Variants in UMAD1 observed in about 807,000 individuals in gnomAD.
UMAD1 encodes UBAP1-MVB12-associated (UMA)-domain containing protein 1.
UMAD1 carries 8 observed loss-of-function variants against 6.1 expected under a neutral mutation model. The ratio of observed to expected loss-of-function variants is 1.30; its 90% confidence interval spans 0.76 to 2.35. The LOEUF is 2.35. Ranked by LOEUF, UMAD1 falls within the 30% of genes most tolerant of loss-of-function variation. The pLI is 0.00. For synonymous variants in UMAD1, 56 were observed against 31.4 expected (o/e 1.78, Z -2.61); for missense variants, 130 against 78.4 (o/e 1.66, Z -2.49).
At chr7:7,847,104 A>AAT (rs1170307529) in intron 3 of UMAD1, among the ~76,000 whole-genome samples, 53 of 6,604 alleles carry the variant, frequency 8.0e-3, no homozygotes, top group East Asian at 0.018. Flanking sequence ...AAAAAAAAAA[A>AAT]ATATATATAT....
At chr7:7,698,911 C>G (rs995610267) in intron 2 of UMAD1, among the ~76,000 whole-genome samples, 7 of 150,558 alleles carry the variant, frequency 4.6e-5, no homozygotes, top group African/African-American at 1.7e-4. Flanking sequence ...CCCTGTTGCC[C>G]AGGTCTGATA....
At chr7:7,740,256 C>G (rs1395977043) in intron 2 of UMAD1, among the ~76,000 whole-genome samples, 1 of 152,164 alleles carries the variant, frequency 6.6e-6, no homozygotes, top group African/African-American at 2.4e-5. Flanking sequence ...GTATTTGGGT[C>G]CAAACCTATA....
At chr7:7,711,083 A>G (rs1290441970) in intron 2 of UMAD1, among the ~76,000 whole-genome samples, 1 of 152,164 alleles carries the variant, frequency 6.6e-6, no homozygotes, top group Admixed American at 6.5e-5. Context: ...GAAGGATAAC[A>G]CTGGGGATTC....
At chr7:7,814,682 A>T (rs564865233) in intron 3 of UMAD1, among the ~76,000 whole-genome samples, 1 of 152,188 alleles carries the variant, frequency 6.6e-6, no homozygotes, top group South Asian at 2.1e-4. Context: ...AGTGGTATAC[A>T]TAACCTCTAA....
intron 2 of UMAD1, among the ~76,000 whole-genome samples, chr7:7,757,809 G>A (rs535581167): frequency 6.6e-6 from 1 of 152,268 alleles, no homozygotes; most frequent in African/African-American, 2.4e-5. Context: ...AGCTTTCAAT[G>A]CCTGGTACGT....
chr7:7,712,718 G>C (rs1481352464), intron 2 of UMAD1, among the ~76,000 whole-genome samples: 1 of 152,140 alleles, frequency 6.6e-6, no homozygotes, highest in African/African-American at 2.4e-5. Flanking sequence ...TTGAAGAGAA[G>C]TGTCAAAGAA....
At chr7:7,713,885 C>T (rs1780826835) in intron 2 of UMAD1, among the ~76,000 whole-genome samples, 1 of 152,142 alleles carries the variant, frequency 6.6e-6, no homozygotes, top group Non-Finnish European at 1.5e-5. Context: ...GGCTGGAGTG[C>T]AGTGGTGTGA....
At chr7:7,683,899 A>G (rs1034905246) in intron 2 of UMAD1, among the ~76,000 whole-genome samples, 4 of 152,172 alleles carry the variant, frequency 2.6e-5, no homozygotes, top group African/African-American at 9.6e-5. Flanking sequence ...CTGGGATTAT[A>G]GGCGTGAGCC....
At chr7:7,794,963 A>G (rs1421630076) in intron 2 of UMAD1, among the ~76,000 whole-genome samples, 1 of 152,184 alleles carries the variant, frequency 6.6e-6, no homozygotes. Context: ...TTCTTAACTC[A>G]AGCATTTACT....
At chr7:7,763,338 G>C (rs1226536959) in intron 2 of UMAD1, among the ~76,000 whole-genome samples, 1 of 152,112 alleles carries the variant, frequency 6.6e-6, no homozygotes. Flanking sequence ...ATAATGCTAA[G>C]GTTTGGGGTA....
At chr7:7,671,418 A>T (rs1406599289) in intron 1 of UMAD1, among the ~76,000 whole-genome samples, 1 of 152,204 alleles carries the variant, frequency 6.6e-6, no homozygotes, top group South Asian at 2.1e-4. Context: ...TGAGTGCCAC[A>T]TTAGTCTACA....
intron 2 of UMAD1, among the ~76,000 whole-genome samples, chr7:7,706,425 A>T (rs141980250): frequency 5.9e-5 from 9 of 152,310 alleles, no homozygotes; most frequent in African/African-American, 2.2e-4. Flanking sequence ...TGGGAACTGT[A>T]CTAGGTTCAG....
At position 7,877,792 on chromosome 7, in the gene UMAD1, G is replaced by A. The variant is rs904534736; in HGVS notation, c.*254G>A. On this transcript the variant is annotated 3_prime_UTR_variant, in exon 4 of 4. Coordinates refer to ENST00000682710, the MANE Select transcript of UMAD1 (RefSeq NM_001302348.2). Reference sequence around the variant, plus strand: ...CTATGAAGGTTTTAGGAAAGGACTCGATTCCTTCAGATGGTCTCTCAAAAT... The same window carrying A: ...CTATGAAGGTTTTAGGAAAGGACTCAATTCCTTCAGATGGTCTCTCAAAAT... 4 of 425,980 alleles carry A rather than the reference G, an allele frequency of 9.4e-6. No homozygotes were observed. The East Asian group carries it at 1.3e-4, about 13-fold the overall frequency. 26.4% of individuals were successfully genotyped at this position (425,980 alleles called of 1,614,324 possible). A position where few individuals can be genotyped will look rare whatever the true frequency, so the allele number is the denominator to read the frequency against.
rs1554329001 is a variant in UMAD1, at chr7:7,789,620, C to CCG, written c.83-12049_83-12048insGC. 6.0e-4 allele frequency among the ~76,000 whole-genome samples: 77 copies of CCG among 129,172 alleles called. 1 individual carries two copies. Among genetic ancestry groups the CCG allele is most frequent in the African/African-American group, 2.3e-3 (74 of 32,390 alleles). The allele number at this position is 129,172 out of a possible 152,430, so 84.7% of individuals were successfully genotyped here. A position where few individuals can be genotyped will look rare whatever the true frequency, so the allele number is the denominator to read the frequency against. On this transcript the variant is annotated intron_variant, in intron 2 of 3. Transcript: ENST00000682710. ...ACTCGTTAAACAAAATACCCCTTCT[C>CCG]CCCTCCCCACAGACCCTGGAAACCA...
chr7:7,682,966 G>T (rs1360821462), intron 2 of UMAD1, among the ~76,000 whole-genome samples: 2 of 152,174 alleles, frequency 1.3e-5, no homozygotes, highest in Non-Finnish European at 2.9e-5. Context: ...TGTTAATCTA[G>T]CAGCGTTTCA....
chr7:7,804,348 A>T (rs1263876621), intron 3 of UMAD1, among the ~76,000 whole-genome samples: 6 of 152,244 alleles, frequency 3.9e-5, no homozygotes, highest in African/African-American at 1.4e-4. Flanking sequence ...GTAAGCATCT[A>T]ACATGGGATT....
chr7:7,644,871 A>T (rs983208984), intron 1 of UMAD1, among the ~76,000 whole-genome samples: 2 of 152,192 alleles, frequency 1.3e-5, no homozygotes, highest in Non-Finnish European at 2.9e-5. Flanking sequence ...TGGAATTTTG[A>T]TCAAAATTGC....
chr7:7,677,395 C>T (rs927843814), intron 2 of UMAD1, among the ~76,000 whole-genome samples: 2 of 151,944 alleles, frequency 1.3e-5, no homozygotes, highest in East Asian at 3.9e-4. Flanking sequence ...CATTTTATTT[C>T]CCTCTTTCTG....
chr7:7,683,902 C>T (rs115371543), intron 2 of UMAD1, among the ~76,000 whole-genome samples: 2,736 of 152,242 alleles, frequency 0.018, 81 homozygotes, highest in African/African-American at 0.063. Context: ...GGATTATAGG[C>T]GTGAGCCACT....
Sources: gnomAD v4.1 joint callset for allele counts (sites outside exome capture counted in the v4.1 genomes callset) on GRCh38, gnomAD v4.1.1 for gene constraint, MANE v1.5 for transcripts, NCBI Gene and HGNC (gene_info 2026-07-23, HGNC 2026-07-21) for gene names.